Variants in DUS1L observed in about 807,000 individuals in gnomAD.
DUS1L encodes tRNA-dihydrouridine(16/17) synthase [NAD(P)(+)]-like.
Under a neutral mutation model 61.2 loss-of-function variants are expected in DUS1L, and 56 were observed. That is an observed-to-expected ratio of 0.92 (90% CI 0.74 to 1.14). DUS1L has a LOEUF of 1.14. Among genes scored for constraint, DUS1L ranks in the 50% most tolerant of loss-of-function variants. The pLI is 0.00. For missense variants in DUS1L, 630 were observed against 632.4 expected, an observed-to-expected ratio of 1.00 and a Z score of 0.04; for synonymous variants, 278 against 259.5, an observed-to-expected ratio of 1.07 and a Z score of -0.69.
chr17:82,058,127 A>G lies in DUS1L; in HGVS notation c.1410T>C (p.Ser470=), dbSNP rs749210269. Residue 470 remains serine, a synonymous_variant, in exon 14 of 14, where the codon AGT becomes AGC. Transcript: ENST00000306796. ...GGGTTGTGGGCCTTCAGGCCAGGGC[A>G]CTGCCCATGACTTCGGAGAAGCCAC... ...TPGGFSEVMG[S]ALA 14 of 1,577,858 alleles carry G rather than the reference A, an allele frequency of 8.9e-6. No individual in the cohort carries two copies. In the East Asian group the frequency reaches 3.0e-4, roughly 34 times the overall value.
intron 11 of DUS1L, chr17:82,059,148 G>A: frequency 2.9e-6 from 1 of 345,904 alleles, no homozygotes; most frequent in African/African-American, 2.0e-5. Context: ...CAGGGTCCAA[G>A]GGGGGTTCCA....
intron 4 of DUS1L, 102 bp downstream of exon 4, chr17:82,063,366 G>GC: frequency 6.6e-7 from 1 of 1,523,728 alleles, no homozygotes; most frequent in Non-Finnish European, 9.0e-7. Flanking sequence ...GAGAACTCCT[G>GC]CCAACGCCTG....
intron 3 of DUS1L, 87 bp downstream of exon 3, chr17:82,064,039 C>G: frequency 8.5e-7 from 1 of 1,170,718 alleles, no homozygotes; most frequent in Non-Finnish European, 1.2e-6. Flanking sequence ...CAGGGCCTGC[C>G]GTCCTCCAAG....
chr17:82,065,295 C>T, intron 1 of DUS1L: 1 of 505,420 alleles, frequency 2.0e-6, no homozygotes. Context: ...CTTGACCCTC[C>T]CTGGGGAGCG....
Position 82,061,973 on chromosome 17 carries a change from A to G in DUS1L, c.521T>C (p.Val174Ala), listed in dbSNP as rs1351106046. The G allele has an allele frequency of 6.2e-7, 1 of 1,606,216 alleles. No homozygotes were observed. ...CTTCTGCTCCTTGGTGCGTCCGTGC[A>G]CCGTCAGCAACTAGGACAGAGCAGT... ...LEKAGCQLLT[V>A]HGRTKEQKGP... Residue 174 changes from valine to alanine, a missense_variant, in exon 6 of 14, where the codon GTG (valine) becomes GCG (alanine). Coordinates refer to ENST00000306796, the MANE Select transcript of DUS1L (RefSeq NM_022156.5).
intron 11 of DUS1L, 98 bp from the exon 12 acceptor site, chr17:82,058,916 C>T: frequency 8.5e-7 from 1 of 1,183,400 alleles, no homozygotes; most frequent in South Asian, 1.2e-5. Flanking sequence ...TGATGGCGTC[C>T]ATGCCAGCTG....
At chr17:82,063,730 T>G (rs1330239983) in intron 3 of DUS1L, among the ~76,000 whole-genome samples, 1 of 152,184 alleles carries the variant, frequency 6.6e-6, no homozygotes, top group African/African-American at 2.4e-5. Flanking sequence ...GGGGCTCTAT[T>G]TGCCCAGCTG....
rs754317496 is a variant in DUS1L, at chr17:82,064,975, C to G, written c.85G>C (p.Glu29Gln). ...HVVAPMVDQS[E>Q]LAWRLLSRRH... is the part of the protein sequence containing the mutation. The stretch of plus-strand genomic sequence containing the variant: ...CGGCTCAGCAGCCTCCAGGCCAGCT[C>G]GCTCTGGTCCACCATGGGGGCCACG... Residue 29 changes from glutamate to glutamine, a missense_variant, in exon 2 of 14, where the codon GAG (glutamate) becomes CAG (glutamine). Transcript: ENST00000306796. 3 of 1,612,188 alleles carry G rather than the reference C, an allele frequency of 1.9e-6. No individual in the cohort carries two copies. Among genetic ancestry groups the G allele is most frequent in the Non-Finnish European group, 2.5e-6 (3 of 1,179,690 alleles).
chr17:82,063,203 C>T (rs1463248394), intron 4 of DUS1L: 1 of 631,364 alleles, frequency 1.6e-6, no homozygotes, highest in Non-Finnish European at 2.8e-6. Flanking sequence ...CCGGCTCTGT[C>T]TCCCAGGACA....
rs902137148 is a variant in DUS1L at position 82,061,298 on chromosome 17, C to G, written c.753G>C (p.Glu251Asp). 9 of 1,610,844 alleles carry G rather than the reference C, an allele frequency of 5.6e-6. No individual in the cohort carries two copies. In the African/African-American group the frequency reaches 8.0e-5, roughly 14 times the overall value. ...CGATGTCCAGATACTCCTCGGCCAG[C>G]TCCCACACGGCAGGGCTCCGGCCCT... ...LFEGRSPAVW[E>D]LAEEYLDIVR... The change falls in exon 8 of 14, where the codon GAG (glutamate) becomes GAC (aspartate). Residue 251 changes from glutamate (E) to aspartate (D), a missense_variant. Physicochemically the swap from Glu to Asp is conservative, Grantham distance 45. Coordinates refer to ENST00000306796, the MANE Select transcript of DUS1L (RefSeq NM_022156.5).
In DUS1L at chr17:82,059,945, T is replaced by C. The variant is rs772450164; in HGVS notation, c.1168+3A>G. On this transcript the variant is annotated splice_donor_region_variant and intron_variant, in intron 11 of 13. Transcript: ENST00000306796. ...CGGGCCCATCAGCGGAAGCAGCACTTACGCTTCAGAGAGGGGTCGAAGGTC... is the reference window on the plus strand; with the variant it reads ...CGGGCCCATCAGCGGAAGCAGCACTCACGCTTCAGAGAGGGGTCGAAGGTC... 6.2e-7 allele frequency: 1 copy of C among 1,613,920 alleles called. No homozygotes were observed. Among genetic ancestry groups the C allele is most frequent in the Non-Finnish European group, 8.5e-7 (1 of 1,179,944 alleles).
intron 4 of DUS1L, 107 bp downstream of exon 4, chr17:82,063,361 C>A: frequency 1.3e-6 from 2 of 1,490,896 alleles, no homozygotes; most frequent in Non-Finnish European, 9.3e-7. Context: ...ATGCTGAGAA[C>A]TCCTGCCAAC....
chr17:82,065,123 A>C (rs2033708525), intron 1 of DUS1L, 54 bp from the exon 2 acceptor site: 1 of 1,476,684 alleles, frequency 6.8e-7, no homozygotes, highest in Non-Finnish European at 9.1e-7. Flanking sequence ...GGGGCTTAAG[A>C]CTCAACTCAG....
At chr17:82,063,447 C>T (rs1202002358) in intron 4 of DUS1L, 21 bp downstream of exon 4, 19 of 1,613,672 alleles carry the variant, frequency 1.2e-5, no homozygotes, top group Admixed American at 1.7e-5. Context: ...GGGTCCTTCA[C>T]CATCCACCCA....
chr17:82,058,092 C>T lies in DUS1L; in HGVS notation c.*23G>A, dbSNP rs201710510. 5.9e-6 allele frequency: 9 copies of T among 1,517,814 alleles called. No individual in the cohort carries two copies. The African/African-American group carries it at 1.1e-4, about 19-fold the overall frequency. 94.0% of individuals were successfully genotyped at this position (1,517,814 alleles called of 1,614,324 possible). On this transcript the variant is annotated 3_prime_UTR_variant, in exon 14 of 14. Coordinates refer to ENST00000306796, the MANE Select transcript of DUS1L (RefSeq NM_022156.5). ...ACGTGTCCAGGCTCCAGCAGCAGTCCTGGGGGTGGGGGTTGTGGGCCTTCA... is the reference window on the plus strand; with the variant it reads ...ACGTGTCCAGGCTCCAGCAGCAGTCTTGGGGGTGGGGGTTGTGGGCCTTCA...
chr17:82,065,083 G>A lies in DUS1L; in HGVS notation c.-10-14C>T, dbSNP rs1568094630. 1.3e-6 allele frequency: 2 copies of A among 1,565,572 alleles called. No individual in the cohort carries two copies. The highest frequency in any genetic ancestry group is 1.7e-6 in the Non-Finnish European group (2 of 1,154,504). ...ATCGTCTCCAGGCTGGGGGAAAGGCGCAGACCCGGGGTTCAGCCAGGCCCA... is the reference window on the plus strand; with the variant it reads ...ATCGTCTCCAGGCTGGGGGAAAGGCACAGACCCGGGGTTCAGCCAGGCCCA... On this transcript the variant is annotated splice_polypyrimidine_tract_variant and intron_variant, in intron 1 of 13. Transcript: ENST00000306796.
intron 2 of DUS1L, 72 bp downstream of exon 2, chr17:82,064,751 G>A (rs2033685612): frequency 7.0e-7 from 1 of 1,427,438 alleles, no homozygotes; most frequent in East Asian, 2.3e-5. Context: ...GCCACAGAGA[G>A]AAGGGTTTTT....
At chr17:82,062,077 C>T (rs551288025) in intron 5 of DUS1L, 94 bp from the exon 6 acceptor site, 3 of 1,128,674 alleles carry the variant, frequency 2.7e-6, no homozygotes, top group Admixed American at 2.7e-5. Context: ...CCCTACTCCA[C>T]CCCTCCGAGC....
Position 82,061,435 on chromosome 17 carries a change from C to T in DUS1L, c.698-82G>A. On this transcript the variant is annotated intron_variant, in intron 7 of 13. Transcript: ENST00000306796. ...AGGAAAGCCTGGGACACTCAGGACA[C>T]CCTTCTGTGCCACCTCACAAGGGAC... is the stretch of plus-strand genomic sequence containing the variant. The T allele has an allele frequency of 2.6e-6, 4 of 1,515,196 alleles. No homozygotes were observed. In the South Asian group the frequency reaches 3.8e-5, roughly 14 times the overall value. The allele number at this position is 1,515,196 out of a possible 1,614,324, so 93.9% of individuals were successfully genotyped here. A position where few individuals can be genotyped will look rare whatever the true frequency, so the allele number is the denominator to read the frequency against.
Sources: gnomAD v4.1 joint callset for allele counts (sites outside exome capture counted in the v4.1 genomes callset) on GRCh38, gnomAD v4.1.1 for gene constraint, MANE v1.5 for transcripts, NCBI Gene and HGNC (gene_info 2026-07-23, HGNC 2026-07-21) for gene names.